CACHD1: variants seen among roughly 807,000 people sequenced by gnomAD.
CACHD1 encodes the protein cache domain containing 1, also known as VWFA and cache domain-containing protein 1.
In CACHD1, 71 loss-of-function variants were observed where a neutral mutation model predicts 138.7. The observed-to-expected ratio is 0.51, with a 90% CI of 0.42 to 0.62. The LOEUF is 0.62. Ranked by LOEUF, CACHD1 falls within the 20% of genes least tolerant of loss-of-function variation. CACHD1 has a pLI of 0.00. For synonymous variants in CACHD1, 578 were observed against 591.5 expected (o/e 0.98, Z 0.33); for missense variants, 1,389 against 1,625.3 (o/e 0.85, Z 2.50).
chr1:64,608,297 C>G (rs1647403588), intron 4 of CACHD1, among the ~76,000 whole-genome samples: 1 of 152,210 alleles, frequency 6.6e-6, no homozygotes, highest in African/African-American at 2.4e-5. Context: ...AGGAGTGGGA[C>G]ATGGTGAAAG....
chr1:64,483,541 A>G (rs1646223467), intron 1 of CACHD1, among the ~76,000 whole-genome samples: 1 of 151,946 alleles, frequency 6.6e-6, no homozygotes, highest in African/African-American at 2.4e-5. Context: ...GGCCTTTAGA[A>G]AGAGTACCAA....
intron 1 of CACHD1, among the ~76,000 whole-genome samples, chr1:64,487,659 A>G (rs754014037): frequency 2.0e-5 from 3 of 152,130 alleles, no homozygotes; most frequent in African/African-American, 4.8e-5. Flanking sequence ...CTGATTATCT[A>G]CTTAGCACCT....
At chr1:64,621,106 A>G (rs1647898453) in intron 4 of CACHD1, among the ~76,000 whole-genome samples, 1 of 152,184 alleles carries the variant, frequency 6.6e-6, no homozygotes, top group South Asian at 2.1e-4. Flanking sequence ...GATAATTAAT[A>G]CTTAAAATGG....
intron 25 of CACHD1, 135 bp from the exon 26 acceptor site, chr1:64,681,870 T>C: frequency 1.3e-6 from 1 of 750,172 alleles, no homozygotes; most frequent in Non-Finnish European, 2.2e-6. Flanking sequence ...CCCAGAATTG[T>C]TTAAAAAATG....
intron 13 of CACHD1, 135 bp downstream of exon 13, chr1:64,659,008 A>C: frequency 1.4e-6 from 1 of 725,486 alleles, no homozygotes; most frequent in Non-Finnish European, 2.1e-6. Context: ...GGATACAAAT[A>C]TGAAAACGAT....
chr1:64,515,439 TG>T (rs1180544610), intron 1 of CACHD1, among the ~76,000 whole-genome samples: 15 of 152,348 alleles, frequency 9.8e-5, no homozygotes, highest in Admixed American at 9.8e-4. Flanking sequence ...GTGTGACATT[TG>T]TTCAGGTTCT....
chr1:64,537,862 A>G (rs1485158629), intron 1 of CACHD1, among the ~76,000 whole-genome samples: 1 of 152,202 alleles, frequency 6.6e-6, no homozygotes, highest in Non-Finnish European at 1.5e-5. Flanking sequence ...AGGCAAATCC[A>G]ACCTCTCCAA....
At chr1:64,648,993 TGAA>T (rs1175470824) in intron 9 of CACHD1, among the ~76,000 whole-genome samples, 2 of 152,128 alleles carry the variant, frequency 1.3e-5, no homozygotes, top group Non-Finnish European at 2.9e-5. Context: ...AGAAGAAAAT[TGAA>T]GAAGTAGCTA....
intron 8 of CACHD1, among the ~76,000 whole-genome samples, chr1:64,646,027 C>T (rs1648890634): frequency 6.6e-6 from 1 of 152,182 alleles, no homozygotes; most frequent in Admixed American, 6.5e-5. Flanking sequence ...GACCTTCCTG[C>T]CATCCCTACA....
intron 4 of CACHD1, among the ~76,000 whole-genome samples, chr1:64,617,485 C>T (rs868223498): frequency 2.6e-5 from 4 of 152,022 alleles, no homozygotes; most frequent in Non-Finnish European, 4.4e-5. Flanking sequence ...GTTATTTTTG[C>T]ATTATATAAT....
intron 8 of CACHD1, among the ~76,000 whole-genome samples, chr1:64,646,101 T>G (rs1218048234): frequency 2.0e-5 from 3 of 152,196 alleles, no homozygotes; most frequent in African/African-American, 7.2e-5. Context: ...CCCACGCTAC[T>G]CTTCTTTGCC....
At chr1:64,610,371 G>A (rs1193906349) in intron 4 of CACHD1, among the ~76,000 whole-genome samples, 1 of 152,148 alleles carries the variant, frequency 6.6e-6, no homozygotes, top group Non-Finnish European at 1.5e-5. Flanking sequence ...CTGAGACAAG[G>A]CAAGTCCCTT....
At chr1:64,679,015 A>G (rs767818643) in intron 23 of CACHD1, among the ~76,000 whole-genome samples, 2 of 152,184 alleles carry the variant, frequency 1.3e-5, no homozygotes, top group Non-Finnish European at 2.9e-5. Context: ...AGAAAAGCTC[A>G]TATGTGGGGA....
At chr1:64,621,714 G>A (rs1372852761) in intron 4 of CACHD1, among the ~76,000 whole-genome samples, 1 of 152,132 alleles carries the variant, frequency 6.6e-6, no homozygotes, top group Non-Finnish European at 1.5e-5. Context: ...TTGTACCAAG[G>A]GCACATTTGT....
intron 4 of CACHD1, among the ~76,000 whole-genome samples, chr1:64,624,277 A>G (rs1411080024): frequency 1.3e-5 from 2 of 152,230 alleles, no homozygotes; most frequent in East Asian, 3.8e-4. Flanking sequence ...ATGAACCAGA[A>G]TGATCTTTTG....
intron 2 of CACHD1, among the ~76,000 whole-genome samples, chr1:64,567,472 A>G (rs1646891758): frequency 6.6e-6 from 1 of 152,134 alleles, no homozygotes; most frequent in Admixed American, 6.5e-5. Flanking sequence ...GTTTGTATTC[A>G]TTTAACAAAC....
intron 1 of CACHD1, among the ~76,000 whole-genome samples, chr1:64,520,395 GC>G (rs1646489717): frequency 1.3e-5 from 2 of 152,176 alleles, no homozygotes; most frequent in South Asian, 2.1e-4. Flanking sequence ...TTGGCAAAGG[GC>G]CTGGTGTTAA....
intron 7 of CACHD1, among the ~76,000 whole-genome samples, chr1:64,638,268 G>C (rs887029525): frequency 1.3e-5 from 2 of 152,152 alleles, no homozygotes; most frequent in Admixed American, 6.5e-5. Flanking sequence ...AATGTCTACT[G>C]TATATCTGGT....
intron 3 of CACHD1, among the ~76,000 whole-genome samples, chr1:64,597,212 G>A (rs1190028147): frequency 6.6e-6 from 1 of 152,102 alleles, no homozygotes; most frequent in African/African-American, 2.4e-5. Flanking sequence ...CTTGAACACT[G>A]TTTTGATGTA....
Sources: allele counts gnomAD v4.1 joint callset (sites outside exome capture counted in the v4.1 genomes callset), GRCh38; gene constraint gnomAD v4.1.1; transcripts MANE v1.5; gene names NCBI Gene and HGNC (gene_info 2026-07-23, HGNC 2026-07-21).